The following ENPP6 variants were observed in gnomAD, a reference collection of about 807,000 sequenced individuals.
The protein encoded by ENPP6 is glycerophosphocholine cholinephosphodiesterase ENPP6.
A neutral mutation model predicts 42.0 loss-of-function variants in ENPP6; 32 were observed. That is an observed-to-expected ratio of 0.76 (90% CI 0.58 to 1.02). ENPP6 has a LOEUF of 1.02. Ranked by LOEUF, ENPP6 falls within the 50% of genes least tolerant of loss-of-function variation. ENPP6 has a pLI of 0.00. For missense variants in ENPP6, 552 were observed against 566.8 expected (o/e 0.97, Z 0.27); for synonymous variants, 213 against 216.0 (o/e 0.99, Z 0.12).
At chr4:184,172,773 T>C (rs1186963547) in intron 1 of ENPP6, among the ~76,000 whole-genome samples, 1 of 152,192 alleles carries the variant, frequency 6.6e-6, no homozygotes, top group Non-Finnish European at 1.5e-5. Flanking sequence ...GCAATCTCAC[T>C]TTTCTTGGCT....
At chr4:184,124,020 G>A in intron 3 of ENPP6, 141 bp downstream of exon 3, 1 of 576,590 alleles carries the variant, frequency 1.7e-6, no homozygotes, top group Non-Finnish European at 3.0e-6. Context: ...CCTACTAGCA[G>A]TTAACAATCA....
chr4:184,147,782 C>T (rs1423764618), intron 2 of ENPP6, among the ~76,000 whole-genome samples: 2 of 137,870 alleles, frequency 1.5e-5, no homozygotes, highest in African/African-American at 2.7e-5. Flanking sequence ...GCCTGGGCAA[C>T]AGAGAAAGAC....
At chr4:184,132,834 CATAT>C (rs61030947) in intron 2 of ENPP6, among the ~76,000 whole-genome samples, 5,673 of 80,812 alleles carry the variant, frequency 0.07, 162 homozygotes, top group Non-Finnish European at 0.1. Flanking sequence ...CACACACACA[CATAT>C]ATATATATAT....
chr4:184,196,417 T>C (rs1279700408), intron 1 of ENPP6, among the ~76,000 whole-genome samples: 1 of 152,240 alleles, frequency 6.6e-6, no homozygotes, highest in Non-Finnish European at 1.5e-5. Flanking sequence ...CAGTATATTC[T>C]TGAATGGATA....
At chr4:184,130,604 A>G (rs13108765) in intron 2 of ENPP6, among the ~76,000 whole-genome samples, 75,670 of 118,838 alleles carry the variant, frequency 0.64, 26,545 homozygotes, top group African/African-American at 0.7. Context: ...TAAAAATGAC[A>G]TTGGTCAGTG....
At chr4:184,199,812 GTC>G (rs1285728741) in intron 1 of ENPP6, among the ~76,000 whole-genome samples, 5 of 152,318 alleles carry the variant, frequency 3.3e-5, no homozygotes, top group Non-Finnish European at 1.5e-5. Flanking sequence ...GGGACACAGC[GTC>G]TCGCTGGGAG....
Position 184,100,499 on chromosome 4 carries a change from C to T in ENPP6, c.994-3131G>A, listed in dbSNP as rs532177693. On this transcript the variant is annotated intron_variant, in intron 6 of 7. Coordinates refer to ENST00000296741, the MANE Select transcript of ENPP6 (RefSeq NM_153343.4). Reference sequence around the variant, plus strand: ...CGCCACCTAGTGACATCCGGGGAGGCGCCCCAGCCCTCCAGATCTGGCCGA... The same window carrying T: ...CGCCACCTAGTGACATCCGGGGAGGTGCCCCAGCCCTCCAGATCTGGCCGA... Among the ~76,000 whole-genome samples, 7 of 152,210 alleles carry T rather than the reference C, an allele frequency of 4.6e-5. No homozygotes were observed. In the East Asian group the frequency reaches 5.8e-4, roughly 13 times the overall value.
chr4:184,212,882 A>C (rs1035340508), intron 1 of ENPP6, among the ~76,000 whole-genome samples: 2 of 152,188 alleles, frequency 1.3e-5, no homozygotes, highest in African/African-American at 4.8e-5. Flanking sequence ...TACTGGTACC[A>C]AAACAGAGAT....
chr4:184,161,689 T>C (rs570246189), intron 1 of ENPP6, among the ~76,000 whole-genome samples: 164 of 152,260 alleles, frequency 1.1e-3, no homozygotes, highest in Middle Eastern at 6.8e-3. Context: ...TACCATGGAA[T>C]ACTACTCAGC....
intron 1 of ENPP6, among the ~76,000 whole-genome samples, chr4:184,201,608 T>A (rs535780498): frequency 6.6e-6 from 1 of 152,172 alleles, no homozygotes; most frequent in Admixed American, 6.5e-5. Flanking sequence ...CAGAACACCC[T>A]CTGGTCACCA....
At chr4:184,103,982 A>G (rs1393641191) in intron 6 of ENPP6, among the ~76,000 whole-genome samples, 4 of 151,482 alleles carry the variant, frequency 2.6e-5, no homozygotes, top group Admixed American at 6.6e-5. Context: ...GGAGAAAAGC[A>G]CTTAGTGGAT....
At chr4:184,127,804 G>A (rs1306736997) in intron 2 of ENPP6, among the ~76,000 whole-genome samples, 1 of 152,144 alleles carries the variant, frequency 6.6e-6, no homozygotes, top group African/African-American at 2.4e-5. Context: ...AACTATTAAG[G>A]TAGTTATGTG....
chr4:184,150,066 C>G (rs1376758037), intron 2 of ENPP6, among the ~76,000 whole-genome samples: 4 of 152,154 alleles, frequency 2.6e-5, no homozygotes, highest in African/African-American at 9.7e-5. Flanking sequence ...CAGTACACTA[C>G]TGGGTCATAT....
chr4:184,120,492 G>A (rs1413686580), intron 3 of ENPP6, among the ~76,000 whole-genome samples: 1 of 152,178 alleles, frequency 6.6e-6, no homozygotes, highest in Non-Finnish European at 1.5e-5. Context: ...AAGCCTGGAA[G>A]CAGTTGTCCG....
At chr4:184,185,876 A>G (rs1285293542) in intron 1 of ENPP6, among the ~76,000 whole-genome samples, 2 of 152,242 alleles carry the variant, frequency 1.3e-5, no homozygotes, top group East Asian at 3.8e-4. Flanking sequence ...GCCATTGAGA[A>G]AACCTGAAAA....
At chr4:184,172,156 C>A (rs1347788139) in intron 1 of ENPP6, among the ~76,000 whole-genome samples, 4 of 152,020 alleles carry the variant, frequency 2.6e-5, no homozygotes, top group African/African-American at 9.7e-5. Flanking sequence ...AATGGGGGAG[C>A]TGGTGTCGCA....
Position 184,207,007 on chromosome 4 carries a change from T to C in ENPP6, c.241+10572A>G, listed in dbSNP as rs141277172. Among the ~76,000 whole-genome samples the C allele has an allele frequency of 7.2e-5, 11 of 152,374 alleles. No homozygotes were observed. In the East Asian group the frequency reaches 7.7e-4, roughly 11 times the overall value. On this transcript the variant is annotated intron_variant, in intron 1 of 7. Coordinates refer to ENST00000296741, the MANE Select transcript of ENPP6 (RefSeq NM_153343.4). ...ACGGGACCTCTGATGCCTACTCGCC[T>C]AGGCGCTGGCCAGTTGCTGTGTGAG...
At chr4:184,107,370 G>A (rs1309431606) in intron 6 of ENPP6, among the ~76,000 whole-genome samples, 1 of 152,236 alleles carries the variant, frequency 6.6e-6, no homozygotes, top group African/African-American at 2.4e-5. Context: ...GAACACTTCA[G>A]ATTTCTCTCC....
intron 2 of ENPP6, among the ~76,000 whole-genome samples, chr4:184,127,872 G>T (rs1009616643): frequency 5.9e-5 from 9 of 152,174 alleles, no homozygotes; most frequent in Non-Finnish European, 1.0e-4. Context: ...AATAATCTGG[G>T]TCTAAAGTTC....
Sources: gnomAD v4.1 joint callset for allele counts (sites outside exome capture counted in the v4.1 genomes callset) on GRCh38, gnomAD v4.1.1 for gene constraint, MANE v1.5 for transcripts, NCBI Gene and HGNC (gene_info 2026-07-23, HGNC 2026-07-21) for gene names.